Variants in PRKAB2 observed in about 807,000 individuals in gnomAD.
PRKAB2 encodes protein kinase AMP-activated non-catalytic subunit beta 2.
In PRKAB2, 18 loss-of-function variants were observed where a neutral mutation model predicts 29.8. The ratio of observed to expected loss-of-function variants is 0.60; its 90% confidence interval spans 0.42 to 0.89. The LOEUF is 0.89. PRKAB2 is among the 40% of genes least tolerant of loss of function. The pLI is 0.00. For missense variants in PRKAB2, 270 were observed against 344.3 expected (o/e 0.78, Z 1.71); for synonymous variants, 136 against 125.9 (o/e 1.08, Z -0.54).
At chr1:147,171,905 T>G in intron 2 of PRKAB2, 84 bp downstream of exon 2, 1 of 1,519,768 alleles carries the variant, frequency 6.6e-7, no homozygotes, top group Non-Finnish European at 8.9e-7. Context: ...TTCGGCGCGG[T>G]AGAAAAGAAC....
At chr1:147,171,902 C>A in intron 2 of PRKAB2, 87 bp downstream of exon 2, 1 of 1,510,686 alleles carries the variant, frequency 6.6e-7, no homozygotes. Flanking sequence ...CGGTTCGGCG[C>A]GGTAGAAAAG....
At chr1:147,168,257 G>T (rs1182224967) in intron 2 of PRKAB2, among the ~76,000 whole-genome samples, 2 of 151,914 alleles carry the variant, frequency 1.3e-5, no homozygotes, top group African/African-American at 4.8e-5. Flanking sequence ...TTAACTCATA[G>T]GCAGGCAATT....
At chr1:147,170,225 C>A (rs1246067555) in intron 2 of PRKAB2, among the ~76,000 whole-genome samples, 1 of 152,126 alleles carries the variant, frequency 6.6e-6, no homozygotes, top group Non-Finnish European at 1.5e-5. Context: ...TAGGAATTAT[C>A]TGATTTTCAG....
chr1:147,159,770 A>AT, intron 7 of PRKAB2, 128 bp from the exon 8 acceptor site: 1 of 818,568 alleles, frequency 1.2e-6, no homozygotes, highest in Non-Finnish European at 2.0e-6. Context: ...AGGAGGTCAA[A>AT]TAAGTTTTAG....
chr1:147,172,214 T>C, intron 1 of PRKAB2, 47 bp from the exon 2 acceptor site: 1 of 1,458,508 alleles, frequency 6.9e-7, no homozygotes. Flanking sequence ...AGCCGCCGCG[T>C]CAGGGGCGCC....
intron 5 of PRKAB2, among the ~76,000 whole-genome samples, chr1:147,166,115 CCAAA>C (rs1388153320): frequency 6.6e-6 from 1 of 152,080 alleles, no homozygotes; most frequent in Non-Finnish European, 1.5e-5. Flanking sequence ...ATGGGGCAAA[CCAAA>C]CAAACTACAC....
intron 7 of PRKAB2, among the ~76,000 whole-genome samples, chr1:147,161,344 T>C (rs1472903290): frequency 1.3e-5 from 2 of 151,750 alleles, no homozygotes; most frequent in Admixed American, 6.6e-5. Flanking sequence ...CTTCAAAAAA[T>C]GAAAGCCTTA....
intron 3 of PRKAB2, 70 bp downstream of exon 3, chr1:147,167,697 G>A: frequency 3.3e-6 from 5 of 1,521,850 alleles, no homozygotes; most frequent in African/African-American, 1.4e-5. Flanking sequence ...GTCCAGCTGG[G>A]TCTCTCTTCT....
At chr1:147,171,854 G>A in intron 2 of PRKAB2, 135 bp downstream of exon 2, 1 of 1,171,588 alleles carries the variant, frequency 8.5e-7, no homozygotes, top group Non-Finnish European at 1.2e-6. Flanking sequence ...CAACACCTCT[G>A]TCCCCGATAA....
At chr1:147,168,426 T>C (rs1553913950) in intron 2 of PRKAB2, among the ~76,000 whole-genome samples, 1 of 152,226 alleles carries the variant, frequency 6.6e-6, no homozygotes, top group East Asian at 1.9e-4. Context: ...AATTCATAAG[T>C]AATTCATAAA....
At position 147,172,016 on chromosome 1, in the gene PRKAB2, G is replaced by A. The variant is rs781910524; in HGVS notation, c.129C>T (p.Pro43=). 1.1e-5 allele frequency: 17 copies of A among 1,599,648 alleles called. No individual in the cohort carries two copies. The highest frequency in any genetic ancestry group is 1.4e-5 in the Non-Finnish European group (17 of 1,174,032). ...HKIMVGSTDD[P]SVFSLPDSKL... ...TGGAGTCAGGGAGGCTGAACACGCTGGGGTCGTCCGTACTCCCCACCATGA... is the reference window on the plus strand; with the variant it reads ...TGGAGTCAGGGAGGCTGAACACGCTAGGGTCGTCCGTACTCCCCACCATGA... The change falls in exon 2 of 8, where the codon CCC becomes CCT. Residue 43 remains proline (P), a synonymous_variant. Transcript: ENST00000254101.
rs587686459 is a variant in PRKAB2 at position 147,161,687 on chromosome 1, G to A, written c.741+25C>T. On this transcript the variant is annotated intron_variant, in intron 7 of 7. Transcript: ENST00000254101. ...TTGACCTCTCATTCCAGGGAGCTCT[G>A]TGAAGAGCCAGGGCCACCACTTACC... 5.0e-6 allele frequency: 8 copies of A among 1,586,958 alleles called. No homozygotes were observed. In the South Asian group the frequency reaches 7.8e-5, roughly 15 times the overall value.
chr1:147,169,395 C>A (rs781915483), intron 2 of PRKAB2, among the ~76,000 whole-genome samples: 1 of 152,146 alleles, frequency 6.6e-6, no homozygotes, highest in Non-Finnish European at 1.5e-5. Context: ...CAGAACAATG[C>A]ACTCTTGACT....
At chr1:147,166,747 C>T (rs1236178624) in intron 4 of PRKAB2, 99 bp downstream of exon 4, 2 of 1,548,930 alleles carry the variant, frequency 1.3e-6, no homozygotes, top group Non-Finnish European at 8.8e-7. Context: ...GAGAGAAATC[C>T]TCCAGTGTAG....
At position 147,159,493 on chromosome 1, in the gene PRKAB2, G is replaced by A. The variant is rs1653841431; in HGVS notation, c.*72C>T. 1.0e-5 allele frequency: 14 copies of A among 1,360,688 alleles called. No homozygotes were observed. The highest frequency in any genetic ancestry group is 1.1e-5 in the Non-Finnish European group (11 of 958,436). The allele number at this position is 1,360,688 out of a possible 1,614,324, so 84.3% of individuals were successfully genotyped here. On this transcript the variant is annotated 3_prime_UTR_variant, in exon 8 of 8. Transcript: ENST00000254101. The stretch of plus-strand genomic sequence containing the variant: ...AAGCAAATCAGCCTTCCAGTCTCAG[G>A]TAAGACTGGTTCAGTCCAGAAATGC...
intron 2 of PRKAB2, 121 bp downstream of exon 2, chr1:147,171,868 C>T (rs1448875332): frequency 3.1e-6 from 4 of 1,288,876 alleles, no homozygotes; most frequent in Non-Finnish European, 4.3e-6. Flanking sequence ...CCGATAAATC[C>T]CTTTAATTCA....
chr1:147,172,107 C>A lies in PRKAB2; in HGVS notation c.38G>T (p.Arg13Leu). 1.3e-6 allele frequency: 2 copies of A among 1,556,530 alleles called. No individual in the cohort carries two copies. The highest frequency in any genetic ancestry group is 1.7e-6 in the Non-Finnish European group (2 of 1,151,120). The change falls in exon 2 of 8, where the codon CGC (arginine) becomes CTC (leucine). Residue 13 changes from arginine to leucine, a missense_variant. Around this residue, in one of 2 missense-constraint regions of PRKAB2, gnomAD observed 228 missense variants for 255.5 expected, o/e 0.89. Coordinates refer to ENST00000254101, the MANE Select transcript of PRKAB2 (RefSeq NM_005399.5). ...NTTSDRVSGERHGAKAARSEG... is the reference protein window; with the variant it reads ...NTTSDRVSGELHGAKAARSEG... ...GGAGCGTGCAGCCTTGGCGCCGTGGCGCTCCCCGGACACCCGGTCGCTGGT... is the reference window on the plus strand; with the variant it reads ...GGAGCGTGCAGCCTTGGCGCCGTGGAGCTCCCCGGACACCCGGTCGCTGGT...
intron 3 of PRKAB2, among the ~76,000 whole-genome samples, chr1:147,167,311 G>A (rs1433085366): frequency 6.6e-6 from 1 of 152,144 alleles, no homozygotes; most frequent in Non-Finnish European, 1.5e-5. Flanking sequence ...TCCCTGTTTT[G>A]GTGAACCTTT....
intron 1 of PRKAB2, 53 bp from the exon 2 acceptor site, chr1:147,172,220 G>A: frequency 2.1e-6 from 3 of 1,454,486 alleles, no homozygotes; most frequent in South Asian, 1.4e-5. Context: ...CGCGTCAGGG[G>A]CGCCCCCCGG....
Sources: gnomAD v4.1 joint callset for allele counts (sites outside exome capture counted in the v4.1 genomes callset) on GRCh38, gnomAD v4.1.1 for gene constraint, gnomAD v4.1.1 regional missense constraint, MANE v1.5 for transcripts, NCBI Gene and HGNC (gene_info 2026-07-23, HGNC 2026-07-21) for gene names.